Variants in SLC7A14 observed in about 807,000 individuals in gnomAD.
SLC7A14 encodes the protein solute carrier family 7 member 14, also known as gamma-aminobutyric acid transporter SLC7A14.
SLC7A14 carries 37 observed loss-of-function variants against 60.2 expected under a neutral mutation model. The ratio of observed to expected loss-of-function variants is 0.61; its 90% CI spans 0.47 to 0.81. The LOEUF (loss-of-function observed/expected upper bound fraction) is 0.81. Ranked by LOEUF, SLC7A14 falls within the 30% of genes least tolerant of loss-of-function variation. SLC7A14 has a pLI of 0.00. For missense variants in SLC7A14, 886 were observed against 982.7 expected (o/e 0.90, Z 1.32); for synonymous variants, 399 against 395.8 (o/e 1.01, Z -0.10).
chr3:170,578,350 G>A (rs182285584), intron 1 of SLC7A14, among the ~76,000 whole-genome samples: 1 of 152,248 alleles, frequency 6.6e-6, no homozygotes, highest in East Asian at 1.9e-4. Context: ...CAGGACTGAA[G>A]TTCTATTCAC....
At chr3:170,470,935 C>T (rs1171461581) in intron 7 of SLC7A14, among the ~76,000 whole-genome samples, 1 of 152,092 alleles carries the variant, frequency 6.6e-6, no homozygotes, top group Non-Finnish European at 1.5e-5. Context: ...TCTGGGAATC[C>T]TGAATCATCT....
At chr3:170,543,029 G>T (rs1714067202) in intron 1 of SLC7A14, among the ~76,000 whole-genome samples, 1 of 152,134 alleles carries the variant, frequency 6.6e-6, no homozygotes, top group Non-Finnish European at 1.5e-5. Flanking sequence ...TGACAAACCT[G>T]AACAAGAATA....
At chr3:170,483,920 G>A (rs926267678) in intron 5 of SLC7A14, among the ~76,000 whole-genome samples, 3 of 152,200 alleles carry the variant, frequency 2.0e-5, no homozygotes, top group Non-Finnish European at 4.4e-5. Context: ...CCCTGCCCAC[G>A]TGGACAAGAC....
chr3:170,534,236 G>A (rs538660228), intron 1 of SLC7A14, among the ~76,000 whole-genome samples: 92 of 152,292 alleles, frequency 6.0e-4, no homozygotes, highest in African/African-American at 2.1e-3. Flanking sequence ...TACTCCACAC[G>A]CCTTCTTATT....
intron 1 of SLC7A14, among the ~76,000 whole-genome samples, chr3:170,552,210 G>A (rs1372464130): frequency 6.6e-6 from 1 of 152,030 alleles, no homozygotes; most frequent in Non-Finnish European, 1.5e-5. Context: ...AAGACAATTG[G>A]TGTCTTAGTG....
intron 2 of SLC7A14, among the ~76,000 whole-genome samples, chr3:170,512,570 T>C (rs552506523): frequency 7.9e-5 from 12 of 151,326 alleles, no homozygotes; most frequent in Non-Finnish European, 1.6e-4. Context: ...ACCTCCTTCC[T>C]TCTCCTCTCC....
intron 7 of SLC7A14, 91 bp from the exon 8 acceptor site, chr3:170,467,468 A>AAGGG: frequency 1.7e-5 from 4 of 235,696 alleles, no homozygotes; most frequent in Non-Finnish European, 1.2e-5. Flanking sequence ...ATGAAATCAA[A>AAGGG]GCTGGCGGGG....
At chr3:170,484,165 A>C (rs1285021539) in intron 5 of SLC7A14, among the ~76,000 whole-genome samples, 2 of 152,366 alleles carry the variant, frequency 1.3e-5, no homozygotes, top group East Asian at 3.9e-4. Context: ...CCTACTGATT[A>C]TATGGCTGTC....
intron 1 of SLC7A14, among the ~76,000 whole-genome samples, chr3:170,569,741 G>T (rs976062394): frequency 3.3e-5 from 5 of 152,088 alleles, no homozygotes; most frequent in African/African-American, 1.2e-4. Context: ...AGTCTTGGGA[G>T]GGTGTATGTG....
chr3:170,545,359 A>G lies in SLC7A14; in HGVS notation c.-152-18271T>C, dbSNP rs374604721. 1.6e-4 allele frequency among the ~76,000 whole-genome samples: 25 copies of G among 152,314 alleles called. No homozygotes were observed. The South Asian group carries it at 3.9e-3, about 24-fold the overall frequency. ...CTTTCCAAATTGGATCTGAAAGCCT[A>G]TCTTTTCTCCTTCACCCTTATCCAG... On this transcript the variant is annotated intron_variant, in intron 1 of 7. Transcript: ENST00000231706.
intron 1 of SLC7A14, among the ~76,000 whole-genome samples, chr3:170,546,565 A>T (rs772176150): frequency 5.3e-5 from 8 of 152,186 alleles, no homozygotes; most frequent in Non-Finnish European, 1.0e-4. Flanking sequence ...AAGGAATTTT[A>T]TAATTTCTCA....
rs530167279 is a variant in SLC7A14, at chr3:170,489,006, G to A, written c.760-2638C>T. Among the ~76,000 whole-genome samples the A allele has an allele frequency of 9.2e-5, 14 of 151,384 alleles. No individual in the cohort carries two copies. In the South Asian group the frequency reaches 2.9e-3, roughly 32 times the overall value. On this transcript the variant is annotated intron_variant, in intron 4 of 7. Transcript: ENST00000231706. ...GGCTGTAAGACTACCCCTAGGGGAT[G>A]TTTGGAAAGATGTTTGGAAAATCTC...
intron 4 of SLC7A14, 110 bp from the exon 5 acceptor site, chr3:170,486,478 G>C: frequency 7.2e-7 from 1 of 1,396,228 alleles, no homozygotes; most frequent in African/African-American, 1.4e-5. Flanking sequence ...GAGTGGCTGA[G>C]GGAGTAACAT....
chr3:170,514,884 A>G (rs1053779122), intron 2 of SLC7A14, among the ~76,000 whole-genome samples: 6 of 152,254 alleles, frequency 3.9e-5, no homozygotes, highest in African/African-American at 9.6e-5. Flanking sequence ...AGCACTTTAC[A>G]TACAAAAACT....
intron 2 of SLC7A14, among the ~76,000 whole-genome samples, chr3:170,521,544 A>G (rs1471899472): frequency 6.6e-6 from 1 of 152,244 alleles, no homozygotes; most frequent in Admixed American, 6.5e-5. Flanking sequence ...TATTTGCAAA[A>G]ATACATACCT....
Position 170,486,170 on chromosome 3 carries a change from T to C in SLC7A14, c.906+52A>G, listed in dbSNP as rs1712020930. 2.5e-6 allele frequency: 4 copies of C among 1,601,748 alleles called. No individual in the cohort carries two copies. The South Asian group carries it at 4.5e-5, about 18-fold the overall frequency. On this transcript the variant is annotated intron_variant, in intron 5 of 7. Transcript: ENST00000231706. ...ACTCCTTCCTGACAGAGAAGGGAGC[T>C]CAGTGCCAGGGCCACATCGTGAGGA... is the stretch of plus-strand genomic sequence containing the variant.
In SLC7A14 at chr3:170,463,865, C is replaced by G. The variant is rs544390424; in HGVS notation, c.*3190G>C. 1 of 152,188 alleles carries G rather than the reference C, an allele frequency of 6.6e-6. No individual in the cohort carries two copies. Among genetic ancestry groups the G allele is most frequent in the East Asian group, 1.9e-4 (1 of 5,196 alleles). The allele number at this position is 152,188 out of a possible 1,614,324, so 9.4% of individuals were successfully genotyped here. The stretch of plus-strand genomic sequence containing the variant: ...CACACTATATGCCAGGCACATGTAG[C>G]TAGCAAAATCTAGGTTTGAAGCTTA... On this transcript the variant is annotated 3_prime_UTR_variant, in exon 8 of 8. Transcript: ENST00000231706.
chr3:170,560,828 T>TGA (rs1415377802), intron 1 of SLC7A14, among the ~76,000 whole-genome samples: 2 of 152,262 alleles, frequency 1.3e-5, no homozygotes, highest in Non-Finnish European at 2.9e-5. Context: ...ATTTAGCCTA[T>TGA]GAATTGCATT....
intron 1 of SLC7A14, among the ~76,000 whole-genome samples, chr3:170,557,760 T>C (rs1714527530): frequency 6.6e-6 from 1 of 152,202 alleles, no homozygotes; most frequent in Non-Finnish European, 1.5e-5. Flanking sequence ...TTAAAGGAGA[T>C]GGTTTTTGGA....
Sources: allele counts gnomAD v4.1 joint callset (sites outside exome capture counted in the v4.1 genomes callset), GRCh38; gene constraint gnomAD v4.1.1; transcripts MANE v1.5; gene names NCBI Gene and HGNC (gene_info 2026-07-23, HGNC 2026-07-21).